RALB: variants seen among roughly 807,000 people sequenced by gnomAD.
RALB encodes RAS like proto-oncogene B, also known as ras-related protein Ral-B.
A neutral mutation model predicts 21.3 loss-of-function variants in RALB; 16 were observed. That is an observed-to-expected ratio of 0.75 (90% CI 0.51 to 1.14). The LOEUF (loss-of-function observed/expected upper bound fraction) is 1.14, where lower values mean the gene tolerates loss of function less well. Among genes scored for constraint, RALB ranks in the 50% most tolerant of loss-of-function variants. RALB has a pLI of 0.00. For synonymous variants in RALB, 93 were observed against 96.1 expected, an observed-to-expected ratio of 0.97 and a Z score of 0.19; for missense variants, 161 against 256.2, an observed-to-expected ratio of 0.63 and a Z score of 2.54.
At chr2:120,241,815 G>A (rs572971708) in intron 1 of RALB, among the ~76,000 whole-genome samples, 6 of 152,324 alleles carry the variant, frequency 3.9e-5, no homozygotes, top group Middle Eastern at 3.4e-3. Context: ...TGTGCACTGC[G>A]GGTGGGAATG....
intron 2 of RALB, among the ~76,000 whole-genome samples, chr2:120,279,557 G>C (rs968043996): frequency 6.6e-6 from 1 of 152,198 alleles, no homozygotes; most frequent in Non-Finnish European, 1.5e-5. Flanking sequence ...AAGTAATCTA[G>C]AGATGATTTA....
rs1689908101 is a variant in RALB at position 120,278,671 on chromosome 2, G to A, written c.7G>A (p.Ala3Thr). ...GCCTCAGAAGACCAGCGAGATGGCTGCCAACAAGAGTAAGGGCCAGAGCTC... is the reference window on the plus strand; with the variant it reads ...GCCTCAGAAGACCAGCGAGATGGCTACCAACAAGAGTAAGGGCCAGAGCTC... MAANKSKGQSSLA... is the reference protein window; with the variant it reads MATNKSKGQSSLA... Residue 3 changes from alanine to threonine, a missense_variant, in exon 2 of 5, where the codon GCC becomes ACC. Ala to Thr is a moderately conservative substitution (Grantham distance 58, BLOSUM62 0). Transcript: ENST00000272519. The A allele has an allele frequency of 6.3e-7, 1 of 1,594,146 alleles. No individual in the cohort carries two copies.
chr2:120,265,007 T>G (rs1436016174), intron 1 of RALB, among the ~76,000 whole-genome samples: 1 of 152,240 alleles, frequency 6.6e-6, no homozygotes, highest in Non-Finnish European at 1.5e-5. Context: ...TGATGGACAT[T>G]TGGGTTGTTT....
intron 2 of RALB, among the ~76,000 whole-genome samples, chr2:120,285,557 CTT>C (rs199540347): frequency 8.7e-6 from 1 of 114,878 alleles, no homozygotes; most frequent in East Asian, 2.1e-4. Context: ...TACCCTAAAA[CTT>C]AAAGTATAAT....
chr2:120,255,885 T>C (rs964820839), intron 1 of RALB, among the ~76,000 whole-genome samples: 46 of 152,142 alleles, frequency 3.0e-4, no homozygotes, highest in African/African-American at 1.1e-3. Flanking sequence ...TTGTTGCTTT[T>C]GTCAGTGCTT....
chr2:120,270,116 ATATT>A (rs1214352301), intron 1 of RALB, among the ~76,000 whole-genome samples: 4 of 152,176 alleles, frequency 2.6e-5, no homozygotes, highest in Non-Finnish European at 5.9e-5. Flanking sequence ...GGCTTTTTAT[ATATT>A]AGGGATATTA....
chr2:120,248,836 A>AT (rs894437973), upstream of RALB, among the ~76,000 whole-genome samples: 50 of 151,880 alleles, frequency 3.3e-4, no homozygotes, highest in African/African-American at 1.0e-3. Flanking sequence ...TGTCTGGCTA[A>AT]TTTTTTTATT....
Position 120,278,655 on chromosome 2 carries a change from G to A in RALB, c.-10G>A. The A allele has an allele frequency of 1.3e-6, 2 of 1,590,208 alleles. No individual in the cohort carries two copies. The highest frequency in any genetic ancestry group is 1.7e-6 in the Non-Finnish European group (2 of 1,167,860). On this transcript the variant is annotated 5_prime_UTR_variant, in exon 2 of 5. Coordinates refer to ENST00000272519, the MANE Select transcript of RALB (RefSeq NM_002881.3). ...TCATCTGTGTGTCACAGCCTCAGAAGACCAGCGAGATGGCTGCCAACAAGA... is the reference window on the plus strand; with the variant it reads ...TCATCTGTGTGTCACAGCCTCAGAAAACCAGCGAGATGGCTGCCAACAAGA...
chr2:120,264,795 A>G (rs1028611050), intron 1 of RALB, among the ~76,000 whole-genome samples: 1 of 152,136 alleles, frequency 6.6e-6, no homozygotes, highest in South Asian at 2.1e-4. Flanking sequence ...CCGCCATTCT[A>G]TCCTGCTTTC....
chr2:120,257,874 AAT>A (rs1469300332), intron 1 of RALB, among the ~76,000 whole-genome samples: 1 of 152,200 alleles, frequency 6.6e-6, no homozygotes, highest in Non-Finnish European at 1.5e-5. Flanking sequence ...AATTTTAGCC[AAT>A]GTGTTACCTC....
chr2:120,282,875 AT>A (rs1690028807), intron 2 of RALB, among the ~76,000 whole-genome samples: 1 of 152,216 alleles, frequency 6.6e-6, no homozygotes, highest in African/African-American at 2.4e-5. Flanking sequence ...ATACTGTCCA[AT>A]ACAAGTGGCT....
At chr2:120,248,637 C>G (rs902987066), upstream of RALB, among the ~76,000 whole-genome samples, 2 of 152,174 alleles carry the variant, frequency 1.3e-5, no homozygotes, top group Non-Finnish European at 2.9e-5. Context: ...GCCCAATCTC[C>G]CCACCACAGC....
At chr2:120,282,110 TC>T (rs1430479326) in intron 2 of RALB, among the ~76,000 whole-genome samples, 2 of 152,038 alleles carry the variant, frequency 1.3e-5, no homozygotes, top group African/African-American at 4.8e-5. Flanking sequence ...CCGTGGCAGA[TC>T]CAAGGAGAGA....
At position 120,252,913 on chromosome 2, in the gene RALB, A is replaced by G; in HGVS notation, c.-115A>G. 2 of 984,456 alleles carry G rather than the reference A, an allele frequency of 2.0e-6. No individual in the cohort carries two copies. Among genetic ancestry groups the G allele is most frequent in the Non-Finnish European group, 2.4e-6 (2 of 829,762 alleles). The allele number at this position is 984,456 out of a possible 1,614,324, so 61.0% of individuals were successfully genotyped here. A position where few individuals can be genotyped will look rare whatever the true frequency, so the allele number is the denominator to read the frequency against. On this transcript the variant is annotated 5_prime_UTR_variant, in exon 1 of 5. Transcript: ENST00000272519. Reference sequence around the variant, plus strand: ...AGGACGGCTGGGGTCCGGCCCCGGGAGGGGGCGGGGCGCGTTTAAGAGCTG... The same window carrying G: ...AGGACGGCTGGGGTCCGGCCCCGGGGGGGGGCGGGGCGCGTTTAAGAGCTG...
intron 1 of RALB, among the ~76,000 whole-genome samples, chr2:120,263,052 C>T (rs1689410453): frequency 6.6e-6 from 1 of 152,192 alleles, no homozygotes; most frequent in Admixed American, 6.5e-5. Context: ...GGGACTGCGT[C>T]TGAGCAAAAA....
upstream of RALB, among the ~76,000 whole-genome samples, chr2:120,248,479 T>C (rs1304113000): frequency 6.6e-6 from 1 of 152,128 alleles, no homozygotes; most frequent in African/African-American, 2.4e-5. Flanking sequence ...TTCTGTTTGG[T>C]CTTCAGCTCT....
At chr2:120,275,914 T>G (rs10203096) in intron 1 of RALB, among the ~76,000 whole-genome samples, 3 of 151,914 alleles carry the variant, frequency 2.0e-5, no homozygotes, top group Non-Finnish European at 4.4e-5. Context: ...AGGGTTGCCA[T>G]CCTGCAGTGA....
Position 120,293,382 on chromosome 2 carries a change from T to G in RALB, c.*122T>G. 1 of 1,100,264 alleles carries G rather than the reference T, an allele frequency of 9.1e-7. No homozygotes were observed. The highest frequency in any genetic ancestry group is 1.2e-6 in the Non-Finnish European group (1 of 828,528). 68.2% of individuals were successfully genotyped at this position (1,100,264 alleles called of 1,614,324 possible). ...TCTCCCCGACTTCATTCACTCAAAC[T>G]TCTTTAAATGGGGAAAAATATTTGT... On this transcript the variant is annotated 3_prime_UTR_variant, in exon 5 of 5. Transcript: ENST00000272519.
At chr2:120,292,392 G>T (rs1690326706) in intron 4 of RALB, among the ~76,000 whole-genome samples, 2 of 152,150 alleles carry the variant, frequency 1.3e-5, no homozygotes, top group Non-Finnish European at 2.9e-5. Context: ...GGCTGTTGTG[G>T]AGTTAGCTGG....
Sources: allele counts gnomAD v4.1 joint callset (sites outside exome capture counted in the v4.1 genomes callset), GRCh38; gene constraint gnomAD v4.1.1; transcripts MANE v1.5; gene names NCBI Gene and HGNC (gene_info 2026-07-23, HGNC 2026-07-21).